HDAC9: variants seen among roughly 807,000 people sequenced by gnomAD.
HDAC9 encodes the protein MEF-2 interacting transcription repressor (MITR) protein.
In HDAC9, 41 loss-of-function variants were observed where a neutral mutation model predicts 139.4. That is an observed-to-expected ratio of 0.29 (90% CI 0.23 to 0.38). The LOEUF is 0.38. HDAC9 is among the 10% of genes least tolerant of loss of function. The pLI, the probability that HDAC9 is intolerant of heterozygous loss-of-function variation, is 1.00. For missense variants in HDAC9, 1,147 were observed against 1,297.0 expected, an observed-to-expected ratio of 0.88 and a Z score of 1.78; for synonymous variants, 517 against 476.2, an observed-to-expected ratio of 1.09 and a Z score of -1.12.
intron 1 of HDAC9, among the ~76,000 whole-genome samples, chr7:18,485,878 C>T (rs948256017): frequency 6.6e-6 from 1 of 152,086 alleles, no homozygotes; most frequent in Non-Finnish European, 1.5e-5. Flanking sequence ...GCCTCTTATC[C>T]ATACAATAAG....
intron 2 of HDAC9, among the ~76,000 whole-genome samples, chr7:18,221,575 C>T (rs1039246452): frequency 3.3e-5 from 5 of 152,158 alleles, no homozygotes; most frequent in African/African-American, 7.2e-5. Flanking sequence ...GATGTGTACA[C>T]TGAGCTTCCA....
intron 1 of HDAC9, among the ~76,000 whole-genome samples, chr7:18,093,423 T>C (rs1782296422): frequency 6.6e-6 from 1 of 152,166 alleles, no homozygotes; most frequent in South Asian, 2.1e-4. Context: ...TTGGGTTCCA[T>C]CATTCAGCTT....
intron 12 of HDAC9, among the ~76,000 whole-genome samples, chr7:18,686,007 A>T (rs1782241954): frequency 6.6e-6 from 1 of 151,982 alleles, no homozygotes; most frequent in Non-Finnish European, 1.5e-5. Flanking sequence ...ACCATTTCAT[A>T]TTTACCAAAG....
chr7:18,264,494 G>A (rs939953197), intron 2 of HDAC9, among the ~76,000 whole-genome samples: 2 of 152,094 alleles, frequency 1.3e-5, no homozygotes, highest in African/African-American at 2.4e-5. Context: ...AGAATTTTTA[G>A]TCACATTATG....
At chr7:18,922,930 C>T (rs565696761) in intron 22 of HDAC9, among the ~76,000 whole-genome samples, 55 of 152,088 alleles carry the variant, frequency 3.6e-4, no homozygotes, top group Non-Finnish European at 4.9e-4. Context: ...TGGCAGAGAA[C>T]GCCTGGGTGT....
chr7:18,245,779 TA>T (rs1476950013), intron 2 of HDAC9, among the ~76,000 whole-genome samples: 1 of 152,058 alleles, frequency 6.6e-6, no homozygotes, highest in African/African-American at 2.4e-5. Context: ...CTCCTGTACT[TA>T]AGAAGAGGGA....
intron 22 of HDAC9, among the ~76,000 whole-genome samples, chr7:18,926,549 C>G (rs1020864593): frequency 6.6e-6 from 1 of 151,982 alleles, no homozygotes; most frequent in Non-Finnish European, 1.5e-5. Context: ...ATAGAAGTAT[C>G]AGAATTATGT....
At chr7:18,512,539 T>C (rs971951626) in intron 2 of HDAC9, among the ~76,000 whole-genome samples, 2 of 152,218 alleles carry the variant, frequency 1.3e-5, no homozygotes, top group African/African-American at 4.8e-5. Flanking sequence ...TAAAAAGTTA[T>C]TTATTCCCAA....
At chr7:18,348,337 C>T (rs1260028532) in intron 1 of HDAC9, among the ~76,000 whole-genome samples, 3 of 151,990 alleles carry the variant, frequency 2.0e-5, no homozygotes, top group African/African-American at 7.3e-5. Context: ...TACTATGGAC[C>T]AGATTTGAGC....
intron 2 of HDAC9, among the ~76,000 whole-genome samples, chr7:18,249,954 A>T (rs1267150592): frequency 2.0e-5 from 3 of 152,220 alleles, no homozygotes; most frequent in African/African-American, 7.2e-5. Context: ...CCAAGAAAAT[A>T]AATGTCTTTT....
intron 12 of HDAC9, among the ~76,000 whole-genome samples, chr7:18,715,030 T>C (rs923490721): frequency 6.6e-6 from 1 of 152,212 alleles, no homozygotes; most frequent in Admixed American, 6.5e-5. Context: ...AGACATTCTT[T>C]TCAAAAACCA....
rs192604494 is a variant in HDAC9, at chr7:18,739,885, T to C, written c.1910-9120T>C. Among the ~76,000 whole-genome samples the C allele has an allele frequency of 5.9e-3, 904 of 152,310 alleles. 5 individuals carry two copies. The highest frequency in any genetic ancestry group is 9.6e-3 in the Non-Finnish European group (655 of 68,020). On this transcript the variant is annotated intron_variant, in intron 13 of 25. Coordinates refer to ENST00000686413, the MANE Select transcript of HDAC9 (RefSeq NM_178425.4). ...GCCCTGCCCACAGAGGTGGAGTCTG[T>C]AGAGGCAGTAGGCCTTGCTGAGCTG...
chr7:18,867,299 A>G (rs549496580), intron 21 of HDAC9, among the ~76,000 whole-genome samples: 1 of 152,198 alleles, frequency 6.6e-6, no homozygotes, highest in Non-Finnish European at 1.5e-5. Flanking sequence ...TCACCAGTGA[A>G]TCCTCCTTAT....
rs1424623691 is a variant in HDAC9, at chr7:18,896,822, C to A, written c.2803+22226C>A. 4.6e-5 allele frequency among the ~76,000 whole-genome samples: 7 copies of A among 152,124 alleles called. No individual in the cohort carries two copies. The East Asian group carries it at 1.4e-3, about 29-fold the overall frequency. On this transcript the variant is annotated intron_variant, in intron 22 of 25. Coordinates refer to ENST00000686413, the MANE Select transcript of HDAC9 (RefSeq NM_178425.4). Reference sequence around the variant, plus strand: ...GAACTAGCAAGAACATTGTCTCAGACCCAATTCCTTCACACTGCAAATTCC... The same window carrying A: ...GAACTAGCAAGAACATTGTCTCAGAACCAATTCCTTCACACTGCAAATTCC...
At chr7:18,579,441 C>G (rs543557339) in intron 2 of HDAC9, among the ~76,000 whole-genome samples, 12 of 152,198 alleles carry the variant, frequency 7.9e-5, no homozygotes, top group African/African-American at 2.4e-4. Context: ...AAGGCAGCCT[C>G]TTCCCATGGA....
chr7:18,622,524 A>C (rs531152861), intron 6 of HDAC9, among the ~76,000 whole-genome samples: 17 of 151,956 alleles, frequency 1.1e-4, no homozygotes, highest in Non-Finnish European at 1.8e-4. Context: ...GGTTTTCACC[A>C]TGTTGGACAG....
chr7:18,895,598 A>G (rs894503322), intron 22 of HDAC9, among the ~76,000 whole-genome samples: 1 of 152,128 alleles, frequency 6.6e-6, no homozygotes, highest in Non-Finnish European at 1.5e-5. Flanking sequence ...TTATTAGGTG[A>G]GTGTACTCCT....
chr7:18,305,114 C>A (rs1798823377), intron 1 of HDAC9, among the ~76,000 whole-genome samples: 1 of 152,204 alleles, frequency 6.6e-6, no homozygotes, highest in Non-Finnish European at 1.5e-5. Flanking sequence ...TAGCACCTTT[C>A]CCTCCTGGTT....
At chr7:18,939,079 T>C (rs2853554) in intron 23 of HDAC9, among the ~76,000 whole-genome samples, 4,183 of 152,342 alleles carry the variant, frequency 0.027, 195 homozygotes, top group African/African-American at 0.092. Flanking sequence ...TATGTATGTC[T>C]TATGGTAAAT....
Sources: allele counts gnomAD v4.1 joint callset (sites outside exome capture counted in the v4.1 genomes callset), GRCh38; gene constraint gnomAD v4.1.1; transcripts MANE v1.5; gene names NCBI Gene and HGNC (gene_info 2026-07-23, HGNC 2026-07-21).